The following AP3B1 variants were observed in gnomAD, a reference collection of about 807,000 sequenced individuals.
AP3B1 encodes the protein AP-3 complex subunit beta-1.
Under a neutral mutation model 132.5 loss-of-function variants are expected in AP3B1, and 61 were observed. The observed-to-expected ratio is 0.46, with a 90% CI of 0.37 to 0.57. The LOEUF is 0.57. Among genes scored for constraint, AP3B1 ranks in the 20% least tolerant of loss-of-function variants. The pLI is 0.00. For synonymous variants in AP3B1, 388 were observed against 438.3 expected, an observed-to-expected ratio of 0.89 and a Z score of 1.43; for missense variants, 1,120 against 1,289.4, an observed-to-expected ratio of 0.87 and a Z score of 2.01.
At chr5:78,031,571 T>C (rs1747576782) in intron 24 of AP3B1, among the ~76,000 whole-genome samples, 1 of 152,296 alleles carries the variant, frequency 6.6e-6, no homozygotes, top group South Asian at 2.1e-4. Flanking sequence ...TAAATGTGTA[T>C]GTTGCCTGCT....
At chr5:78,131,783 G>A (rs534062541) in intron 15 of AP3B1, among the ~76,000 whole-genome samples, 153 of 152,198 alleles carry the variant, frequency 1.0e-3, no homozygotes, top group Non-Finnish European at 1.7e-3. Flanking sequence ...TGCCTGTACA[G>A]GGAAAACTTT....
intron 22 of AP3B1, among the ~76,000 whole-genome samples, chr5:78,055,016 GACACACAC>G (rs3050076): frequency 0.016 from 2,269 of 144,742 alleles, 47 homozygotes; most frequent in African/African-American, 0.043. Flanking sequence ...CAGACCTACA[GACACACAC>G]ACACACACAC....
At chr5:78,027,660 ATATT>A (rs934522535) in intron 24 of AP3B1, among the ~76,000 whole-genome samples, 3 of 152,216 alleles carry the variant, frequency 2.0e-5, no homozygotes, top group Middle Eastern at 3.4e-3. Flanking sequence ...AAAACACAGT[ATATT>A]TATTTTTTAT....
Position 78,002,730 on chromosome 5 carries a change from T to C in AP3B1, c.*172A>G, listed in dbSNP as rs926831596. The C allele has an allele frequency of 1.0e-5, 8 of 762,140 alleles. No individual in the cohort carries two copies. In the African/African-American group the frequency reaches 1.4e-4, roughly 13 times the overall value. The allele number at this position is 762,140 out of a possible 1,614,324, so 47.2% of individuals were successfully genotyped here. ...AGCAAAGCAAAAAGGGGGAAAGTATTGCATACATGATAGATACACACTAGC... is the reference window on the plus strand; with the variant it reads ...AGCAAAGCAAAAAGGGGGAAAGTATCGCATACATGATAGATACACACTAGC... On this transcript the variant is annotated 3_prime_UTR_variant, in exon 27 of 27. Transcript: ENST00000255194.
At position 78,193,767 on chromosome 5, in the gene AP3B1, TA is replaced by T. The variant is rs1162532935; in HGVS notation, c.787-12106del. ...TTTTATATATATATATATATATATA[TA>T]TATTTTTTTTTTAGACAGAGTCTCG... On this transcript the variant is annotated intron_variant, in intron 7 of 26. Transcript: ENST00000255194. Among the ~76,000 whole-genome samples the T allele has an allele frequency of 1.3e-3, 153 of 115,882 alleles. 6 individuals carry two copies. Among genetic ancestry groups the T allele is most frequent in the African/African-American group, 3.0e-3 (83 of 27,806 alleles). The allele number at this position is 115,882 out of a possible 152,430, so 76.0% of individuals were successfully genotyped here.
chr5:78,225,729 T>C, intron 5 of AP3B1, 121 bp from the exon 6 acceptor site: 1 of 632,926 alleles, frequency 1.6e-6, no homozygotes, highest in Non-Finnish European at 2.8e-6. Flanking sequence ...AATTATAAGT[T>C]AGAAATAAAG....
intron 7 of AP3B1, among the ~76,000 whole-genome samples, chr5:78,205,811 T>C (rs973216389): frequency 5.3e-5 from 8 of 151,866 alleles, no homozygotes; most frequent in African/African-American, 1.9e-4. Context: ...ATACACAGAA[T>C]CATGGGGATG....
chr5:78,026,181 T>C (rs537892025), intron 24 of AP3B1, among the ~76,000 whole-genome samples: 1 of 152,218 alleles, frequency 6.6e-6, no homozygotes, highest in Admixed American at 6.5e-5. Flanking sequence ...AAATGACTGA[T>C]GATAGATGTA....
intron 1 of AP3B1, among the ~76,000 whole-genome samples, chr5:78,275,528 T>C (rs967975389): frequency 3.3e-5 from 5 of 151,940 alleles, no homozygotes; most frequent in African/African-American, 1.2e-4. Context: ...CAGGTTGGAG[T>C]GCAGTGGCGC....
At chr5:78,232,980 T>A (rs1580521616) in intron 3 of AP3B1, among the ~76,000 whole-genome samples, 1 of 152,332 alleles carries the variant, frequency 6.6e-6, no homozygotes, top group Non-Finnish European at 1.5e-5. Context: ...GTGCTAGGAT[T>A]ACTGGCGTGA....
chr5:78,017,516 T>C (rs1249667385), intron 25 of AP3B1, among the ~76,000 whole-genome samples: 2 of 151,998 alleles, frequency 1.3e-5, no homozygotes, highest in African/African-American at 4.8e-5. Context: ...TCAAATATGA[T>C]TGCTTATGGT....
At chr5:78,188,648 T>C (rs554324737) in intron 7 of AP3B1, among the ~76,000 whole-genome samples, 35 of 152,246 alleles carry the variant, frequency 2.3e-4, no homozygotes, top group Middle Eastern at 3.4e-3. Flanking sequence ...ATTAGTACAA[T>C]CATTGTTGAA....
intron 7 of AP3B1, among the ~76,000 whole-genome samples, chr5:78,212,087 C>T (rs1745762828): frequency 6.6e-6 from 1 of 152,220 alleles, no homozygotes; most frequent in African/African-American, 2.4e-5. Context: ...CAACACCAGC[C>T]TGGCCAACAT....
chr5:78,007,731 T>C (rs1337262236), intron 26 of AP3B1, among the ~76,000 whole-genome samples: 1 of 152,194 alleles, frequency 6.6e-6, no homozygotes, highest in African/African-American at 2.4e-5. Context: ...TAGTAGAACA[T>C]TTTAAACAGG....
intron 13 of AP3B1, among the ~76,000 whole-genome samples, chr5:78,161,646 T>TA (rs1443601808): frequency 2.6e-5 from 4 of 151,754 alleles, no homozygotes; most frequent in Non-Finnish European, 4.4e-5. Context: ...TTTGTAGAGA[T>TA]AAAAAAAAAT....
At chr5:78,016,838 T>C (rs1446992860) in intron 25 of AP3B1, among the ~76,000 whole-genome samples, 3 of 152,086 alleles carry the variant, frequency 2.0e-5, no homozygotes, top group Admixed American at 6.5e-5. Context: ...TTAAAAACTA[T>C]ACAAACAGTC....
intron 7 of AP3B1, among the ~76,000 whole-genome samples, chr5:78,212,833 CT>C (rs1329610455): frequency 6.6e-6 from 1 of 152,172 alleles, no homozygotes; most frequent in Non-Finnish European, 1.5e-5. Context: ...TCAGTTTCTT[CT>C]AGCTATGGTC....
intron 14 of AP3B1, among the ~76,000 whole-genome samples, chr5:78,141,858 G>C (rs1345322960): frequency 2.0e-5 from 3 of 152,118 alleles, no homozygotes; most frequent in Admixed American, 6.5e-5. Context: ...GTATTTCTGT[G>C]GTGGGGCCCA....
Position 78,177,349 on chromosome 5 carries a change from G to T in AP3B1, c.1030C>A (p.Arg344Ser), listed in dbSNP as rs753341973. 4 of 1,611,938 alleles carry T rather than the reference G, an allele frequency of 2.5e-6. No homozygotes were observed. Among genetic ancestry groups the T allele is most frequent in the African/African-American group, 1.3e-5 (1 of 74,936 alleles). ...IISKSLVRLL[R>S]SNREVQYIVL... is the part of the protein sequence containing the mutation. ...AAAATCATGACCTACCTATTGCTAC[G>T]AAGTAAACGCACTAGTGATTTAGAA... The change falls in exon 9 of 27, where the codon CGT becomes AGT. Residue 344 changes from arginine to serine, a missense_variant. Physicochemically the swap from Arg to Ser is moderately radical, Grantham distance 110 (BLOSUM62 -1). This residue lies in a region of AP3B1 where 906 missense variants were observed against 997.1 expected (regional missense o/e 0.91). Coordinates refer to ENST00000255194, the MANE Select transcript of AP3B1 (RefSeq NM_003664.5).
Sources: gnomAD v4.1 joint callset for allele counts (sites outside exome capture counted in the v4.1 genomes callset) on GRCh38, gnomAD v4.1.1 for gene constraint, gnomAD v4.1.1 regional missense constraint, MANE v1.5 for transcripts, NCBI Gene and HGNC (gene_info 2026-07-23, HGNC 2026-07-21) for gene names.